LYST: variants seen among roughly 807,000 people sequenced by gnomAD.
LYST encodes the protein lysosomal trafficking regulator.
LYST carries 192 observed loss-of-function variants against 413.6 expected under a neutral mutation model. The ratio of observed to expected loss-of-function variants is 0.46; its 90% confidence interval spans 0.41 to 0.52. LYST has a LOEUF of 0.52. LYST is among the 20% of genes least tolerant of loss of function. LYST has a pLI of 0.00. For synonymous variants in LYST, 1,525 were observed against 1,567.3 expected (o/e 0.97, Z 0.64); for missense variants, 3,815 against 4,499.9 (o/e 0.85, Z 4.35).
chr1:235,720,517 G>A (rs1479075883), intron 40 of LYST, 144 bp downstream of exon 40: 2 of 803,140 alleles, frequency 2.5e-6, no homozygotes, highest in Admixed American at 5.1e-5. Flanking sequence ...ATTCACAATT[G>A]TTGAACCAGG....
Position 235,733,427 on chromosome 1 carries a change from G to A in LYST, c.8801+76C>T, listed in dbSNP as rs952548172. On this transcript the variant is annotated intron_variant, in intron 34 of 52. Coordinates refer to ENST00000389793, the MANE Select transcript of LYST (RefSeq NM_000081.4). ...AAATGATTTTATGAGTCTGAATTCC[G>A]GAATACAAATTCCGTTTAACATCAA... 2.2e-4 allele frequency: 283 copies of A among 1,269,962 alleles called. 3 individuals are homozygous for A. In the South Asian group the frequency reaches 2.8e-3, roughly 13 times the overall value. The allele number at this position is 1,269,962 out of a possible 1,614,324, so 78.7% of individuals were successfully genotyped here.
chr1:235,675,601 T>C (rs946072030), intron 50 of LYST, among the ~76,000 whole-genome samples: 6 of 152,146 alleles, frequency 3.9e-5, no homozygotes, highest in Non-Finnish European at 5.9e-5. Context: ...GCACCCTAAC[T>C]CCACAACCCT....
At chr1:235,758,751 C>T (rs1407591945) in intron 23 of LYST, among the ~76,000 whole-genome samples, 1 of 152,092 alleles carries the variant, frequency 6.6e-6, no homozygotes, top group Non-Finnish European at 1.5e-5. Flanking sequence ...TTAAGTGCTA[C>T]TTATGGTTTA....
chr1:235,775,212 T>C, intron 17 of LYST, 126 bp from the exon 18 acceptor site: 1 of 727,452 alleles, frequency 1.4e-6, no homozygotes, highest in Non-Finnish European at 2.4e-6. Flanking sequence ...TTAATGCTCA[T>C]ACTCTACCTA....
intron 34 of LYST, 41 bp downstream of exon 34, chr1:235,733,462 T>C (rs1664553542): frequency 6.5e-7 from 1 of 1,548,406 alleles, no homozygotes; most frequent in South Asian, 1.1e-5. Context: ...ATATCTTAAA[T>C]CTTCATGGAA....
chr1:235,864,769 C>G (rs1213262609), intron 1 of LYST, among the ~76,000 whole-genome samples: 1 of 152,068 alleles, frequency 6.6e-6, no homozygotes, highest in African/African-American at 2.4e-5. Flanking sequence ...CCCATCTTTA[C>G]AAAAAATTAG....
intron 1 of LYST, among the ~76,000 whole-genome samples, chr1:235,844,804 T>A (rs116375222): frequency 1.2e-3 from 190 of 152,270 alleles, no homozygotes; most frequent in African/African-American, 4.1e-3. Context: ...CAGATTAATA[T>A]AATTCTCTTT....
intron 20 of LYST, among the ~76,000 whole-genome samples, chr1:235,766,689 G>C (rs986444755): frequency 2.0e-5 from 3 of 152,036 alleles, no homozygotes; most frequent in Non-Finnish European, 4.4e-5. Flanking sequence ...ACTTTATAGG[G>C]TTGTTATAAG....
intron 12 of LYST, among the ~76,000 whole-genome samples, chr1:235,791,207 G>C (rs1359256667): frequency 6.6e-6 from 1 of 152,076 alleles, no homozygotes; most frequent in East Asian, 1.9e-4. Context: ...GCTTGAACCT[G>C]GGAGGCGGAG....
Position 235,703,035 on chromosome 1 carries a change from A to G in LYST, c.10144-58T>C, listed in dbSNP as rs1661671923. 8.2e-6 allele frequency: 10 copies of G among 1,217,772 alleles called. No homozygotes were observed. The East Asian group carries it at 2.3e-4, about 28-fold the overall frequency. The allele number at this position is 1,217,772 out of a possible 1,614,324, so 75.4% of individuals were successfully genotyped here. A position where few individuals can be genotyped will look rare whatever the true frequency, so the allele number is the denominator to read the frequency against. ...ATGTAGTAAAAAGAAAGACTTGACA[A>G]TAATACCAAAGGGAAAAACAACACT... On this transcript the variant is annotated intron_variant, in intron 44 of 52. Coordinates refer to ENST00000389793, the MANE Select transcript of LYST (RefSeq NM_000081.4).
intron 6 of LYST, 56 bp from the exon 7 acceptor site, chr1:235,804,721 G>T: frequency 9.8e-7 from 1 of 1,021,808 alleles, no homozygotes; most frequent in East Asian, 2.6e-5. Context: ...AAAACTAAAT[G>T]ATGAAAAAAT....
chr1:235,855,558 T>C (rs975923497), intron 1 of LYST, among the ~76,000 whole-genome samples: 2 of 152,186 alleles, frequency 1.3e-5, no homozygotes, highest in Admixed American at 6.5e-5. Context: ...AAATCAATTA[T>C]AAGCATGATA....
At chr1:235,782,181 T>TC in intron 14 of LYST, 94 bp from the exon 15 acceptor site, 1 of 190,992 alleles carries the variant, frequency 5.2e-6, no homozygotes. Flanking sequence ...TGGGGAATTC[T>TC]TTTTTTTTTT....
At chr1:235,857,679 G>A (rs531182768) in intron 1 of LYST, among the ~76,000 whole-genome samples, 17 of 150,852 alleles carry the variant, frequency 1.1e-4, no homozygotes, top group South Asian at 6.3e-4. Context: ...GTGTGTGTGC[G>A]CGTGTGCACA....
intron 45 of LYST, among the ~76,000 whole-genome samples, chr1:235,697,766 A>G (rs1248040959): frequency 6.6e-6 from 1 of 152,226 alleles, no homozygotes; most frequent in African/African-American, 2.4e-5. Context: ...TCTCATCTCA[A>G]ATAGATACGT....
At chr1:235,871,535 C>T (rs1281650868), upstream of LYST, among the ~76,000 whole-genome samples, 1 of 152,172 alleles carries the variant, frequency 6.6e-6, no homozygotes, top group Non-Finnish European at 1.5e-5. Flanking sequence ...ATAATATACT[C>T]ATTAATTCTT....
In LYST at chr1:235,806,264, G is replaced by A. The variant is rs868117045; in HGVS notation, c.2872C>T (p.His958Tyr). ...SLVLPSPEHM[H>Y]QAADIWSMCR... ...ATAGACCAAATGTCTGCTGCTTGGT[G>A]CATATGTTCAGGAGAAGGCAAGACA... Residue 958 changes from histidine (H) to tyrosine (Y), a missense_variant, in exon 6 of 53, where the codon CAC (histidine) becomes TAC (tyrosine). Transcript: ENST00000389793. The A allele has an allele frequency of 6.2e-7, 1 of 1,613,850 alleles. No individual in the cohort carries two copies. The highest frequency in any genetic ancestry group is 1.3e-5 in the African/African-American group (1 of 74,874).
chr1:235,712,793 T>A (rs1354333544), intron 42 of LYST: 1 of 984,632 alleles, frequency 1.0e-6, no homozygotes, highest in Admixed American at 6.2e-5. Context: ...AAAATAAGCA[T>A]AGTCACTCTT....
chr1:235,703,147 T>C (rs1239583538), intron 44 of LYST, among the ~76,000 whole-genome samples, 170 bp from the exon 45 acceptor site: 1 of 152,232 alleles, frequency 6.6e-6, no homozygotes, highest in Non-Finnish European at 1.5e-5. Flanking sequence ...AGTATCAATG[T>C]TTCTGAATAG....
Sources: gnomAD v4.1 joint callset for allele counts (sites outside exome capture counted in the v4.1 genomes callset) on GRCh38, gnomAD v4.1.1 for gene constraint, MANE v1.5 for transcripts, NCBI Gene and HGNC (gene_info 2026-07-23, HGNC 2026-07-21) for gene names.